The following CNTNAP5 variants were observed in gnomAD, a reference collection of about 807,000 sequenced individuals.
CNTNAP5 encodes contactin-associated protein-like 5.
In CNTNAP5, 72 loss-of-function variants were observed where a neutral mutation model predicts 150.2. The observed-to-expected ratio is 0.48, with a 90% CI of 0.40 to 0.58. The LOEUF is 0.58. Among genes scored for constraint, CNTNAP5 ranks in the 20% least tolerant of loss-of-function variants. The pLI is 0.00. For synonymous variants in CNTNAP5, 672 were observed against 619.8 expected (o/e 1.08, Z -1.25); for missense variants, 1,636 against 1,626.2 (o/e 1.01, Z -0.10).
intron 21 of CNTNAP5, among the ~76,000 whole-genome samples, chr2:124,875,426 C>T (rs1240564398): frequency 6.6e-6 from 1 of 152,018 alleles, no homozygotes; most frequent in East Asian, 1.9e-4. Flanking sequence ...GGAAGATGCT[C>T]AGCTTTTTGG....
At chr2:124,376,192 TG>T (rs1690645301) in intron 3 of CNTNAP5, among the ~76,000 whole-genome samples, 2 of 152,150 alleles carry the variant, frequency 1.3e-5, no homozygotes, top group Non-Finnish European at 2.9e-5. Flanking sequence ...TGAAAGATGC[TG>T]CTTATCATGA....
intron 14 of CNTNAP5, among the ~76,000 whole-genome samples, chr2:124,759,662 G>A (rs1680915896): frequency 6.6e-6 from 1 of 151,622 alleles, no homozygotes; most frequent in Admixed American, 6.6e-5. Flanking sequence ...TATGGTTTCA[G>A]ATTTCTGGAG....
intron 5 of CNTNAP5, among the ~76,000 whole-genome samples, chr2:124,439,420 G>C (rs1195090410): frequency 6.6e-6 from 1 of 152,050 alleles, no homozygotes; most frequent in African/African-American, 2.4e-5. Context: ...TATATTAATT[G>C]GAAATAAAAT....
At chr2:124,885,144 G>A (rs2104742104) in intron 21 of CNTNAP5, among the ~76,000 whole-genome samples, 1 of 152,098 alleles carries the variant, frequency 6.6e-6, no homozygotes, top group Admixed American at 6.6e-5. Flanking sequence ...AGTGCAGCTG[G>A]AACTCTCAGG....
At chr2:124,070,297 A>G (rs1374773249) in intron 1 of CNTNAP5, among the ~76,000 whole-genome samples, 1 of 151,676 alleles carries the variant, frequency 6.6e-6, no homozygotes, top group African/African-American at 2.4e-5. Flanking sequence ...CAGAAAACAG[A>G]TAACAAAATG....
intron 10 of CNTNAP5, among the ~76,000 whole-genome samples, chr2:124,528,582 A>G (rs538038100): frequency 1.2e-4 from 19 of 152,196 alleles, no homozygotes; most frequent in Admixed American, 1.2e-3. Context: ...ATATAAAATA[A>G]TTGTATATCT....
At chr2:124,904,914 C>G (rs1361419328) in intron 22 of CNTNAP5, among the ~76,000 whole-genome samples, 1 of 150,456 alleles carries the variant, frequency 6.6e-6, no homozygotes, top group African/African-American at 2.4e-5. Context: ...CTCTGTACAG[C>G]AAAGGACACA....
At chr2:124,815,087 C>A (rs562645375) in intron 19 of CNTNAP5, among the ~76,000 whole-genome samples, 1 of 152,162 alleles carries the variant, frequency 6.6e-6, no homozygotes, top group Non-Finnish European at 1.5e-5. Flanking sequence ...TCCCCTCTGA[C>A]GTTCCTGATT....
intron 19 of CNTNAP5, among the ~76,000 whole-genome samples, chr2:124,817,380 A>G (rs1682385942): frequency 6.6e-6 from 1 of 152,168 alleles, no homozygotes; most frequent in African/African-American, 2.4e-5. Context: ...TTTTATAGAC[A>G]TAAGTACAAT....
Position 124,333,523 on chromosome 2 carries a change from G to A in CNTNAP5, c.382-83920G>A, listed in dbSNP as rs188634383. ...ACAAAGAGGAAGATTTAAAATATAT[G>A]TCAATGTAATATAAAATAATAGCAA... On this transcript the variant is annotated intron_variant, in intron 3 of 23. Coordinates refer to ENST00000682447, the MANE Select transcript of CNTNAP5 (RefSeq NM_001367498.1). Among the ~76,000 whole-genome samples the A allele has an allele frequency of 6.5e-4, 99 of 152,244 alleles. No individual in the cohort carries two copies. In the Middle Eastern group the frequency reaches 0.01, roughly 16 times the overall value.
chr2:124,196,526 A>G (rs984160748), intron 1 of CNTNAP5, among the ~76,000 whole-genome samples: 2 of 152,204 alleles, frequency 1.3e-5, no homozygotes, highest in African/African-American at 4.8e-5. Flanking sequence ...ATGCAAAGAT[A>G]GTACACTCAT....
At chr2:124,407,865 C>T (rs556968469) in intron 3 of CNTNAP5, among the ~76,000 whole-genome samples, 2 of 151,778 alleles carry the variant, frequency 1.3e-5, no homozygotes, top group South Asian at 2.1e-4. Flanking sequence ...GATAAAAGAA[C>T]TTCGGGAGGA....
chr2:124,561,077 T>C (rs1360737254), intron 10 of CNTNAP5, among the ~76,000 whole-genome samples: 1 of 152,062 alleles, frequency 6.6e-6, no homozygotes, highest in Non-Finnish European at 1.5e-5. Context: ...AATACTATCA[T>C]TTGCTCATAT....
At chr2:124,890,354 T>C (rs1423810979) in intron 21 of CNTNAP5, among the ~76,000 whole-genome samples, 1 of 152,164 alleles carries the variant, frequency 6.6e-6, no homozygotes, top group African/African-American at 2.4e-5. Context: ...ATTAATATCT[T>C]AGCTCCCTCA....
intron 1 of CNTNAP5, among the ~76,000 whole-genome samples, chr2:124,044,054 C>T (rs1681462907): frequency 6.6e-6 from 1 of 152,130 alleles, no homozygotes; most frequent in East Asian, 1.9e-4. Context: ...TCTTTAAGCC[C>T]TGTATTATAT....
At chr2:124,726,617 T>G (rs1309048891) in intron 13 of CNTNAP5, among the ~76,000 whole-genome samples, 1 of 151,746 alleles carries the variant, frequency 6.6e-6, no homozygotes, top group African/African-American at 2.4e-5. Flanking sequence ...TTCATATACT[T>G]GTTAGCCATT....
chr2:124,590,103 G>C (rs779295978), intron 11 of CNTNAP5, among the ~76,000 whole-genome samples: 1 of 151,970 alleles, frequency 6.6e-6, no homozygotes, highest in African/African-American at 2.4e-5. Context: ...TTCTACCAAC[G>C]GATGATATAG....
At chr2:124,842,708 C>T (rs1682968841) in intron 19 of CNTNAP5, among the ~76,000 whole-genome samples, 1 of 152,110 alleles carries the variant, frequency 6.6e-6, no homozygotes, top group Non-Finnish European at 1.5e-5. Context: ...TAAACCAGAA[C>T]CCATCACTGA....
intron 3 of CNTNAP5, among the ~76,000 whole-genome samples, chr2:124,331,846 TC>T (rs1168744715): frequency 1.3e-5 from 2 of 152,014 alleles, no homozygotes; most frequent in African/African-American, 4.8e-5. Flanking sequence ...TGTAATTCAC[TC>T]AAAAGATTAA....
Sources: allele counts gnomAD v4.1 joint callset (sites outside exome capture counted in the v4.1 genomes callset), GRCh38; gene constraint gnomAD v4.1.1; transcripts MANE v1.5; gene names NCBI Gene and HGNC (gene_info 2026-07-23, HGNC 2026-07-21).